Variants in ZFP62 observed in about 807,000 individuals in gnomAD.
The protein encoded by ZFP62 is zinc finger protein 62 homolog.
Under a neutral mutation model 56.4 loss-of-function variants are expected in ZFP62, and 44 were observed. That is an observed-to-expected ratio of 0.78 (90% CI 0.61 to 1.00). The LOEUF (loss-of-function observed/expected upper bound fraction) is 1.00. ZFP62 is among the 50% of genes least tolerant of loss of function. The pLI, the probability that ZFP62 is intolerant of heterozygous loss-of-function variation, is 0.00. For missense variants in ZFP62, 1,030 were observed against 1,085.7 expected (o/e 0.95, Z 0.72); for synonymous variants, 421 against 388.9 (o/e 1.08, Z -0.97).
chr5:180,841,558 C>T, the ZFP62 span, among the ~76,000 whole-genome samples: 1 of 151,908 alleles, frequency 6.6e-6, no homozygotes, highest in African/African-American at 2.4e-5. Flanking sequence ...AGACAGCAGT[C>T]TATCAGTCAG....
chr5:180,854,465 A>C (rs1162210069), intron 1 of ZFP62, among the ~76,000 whole-genome samples: 1 of 152,248 alleles, frequency 6.6e-6, no homozygotes, highest in Non-Finnish European at 1.5e-5. Context: ...CTCTGCAACT[A>C]TCAGAGTAAA....
the ZFP62 span, among the ~76,000 whole-genome samples, chr5:180,841,596 C>A: frequency 9.2e-5 from 14 of 152,144 alleles, no homozygotes; most frequent in African/African-American, 3.4e-4. Flanking sequence ...AGAAACCACT[C>A]AAGTGTTCAG....
In ZFP62 at chr5:180,849,994, C is replaced by G. The variant is rs1384149169; in HGVS notation, c.1501G>C (p.Gly501Arg). 6.4e-6 allele frequency: 10 copies of G among 1,551,692 alleles called. No individual in the cohort carries two copies. Among genetic ancestry groups the G allele is most frequent in the Non-Finnish European group, 8.7e-6 (10 of 1,146,992 alleles). The change falls in exon 2 of 2, where the codon GGG becomes CGG. Residue 501 changes from glycine (G) to arginine (R), a missense_variant. Physicochemically the swap from Gly to Arg is moderately radical, Grantham distance 125. Coordinates refer to ENST00000502412, the MANE Select transcript of ZFP62 (RefSeq NM_001172638.2). ...SLKNHKGIHL[G>R]EKPYKCSYCE... ...TAGCTACATTTATAGGGCTTCTCCC[C>G]AAGGTGGATTCCTTTGTGATTTTTA... is the stretch of plus-strand genomic sequence containing the variant.
intron 1 of ZFP62, among the ~76,000 whole-genome samples, chr5:180,856,988 GGACAT>G (rs1774021708): frequency 7.0e-6 from 1 of 142,712 alleles, no homozygotes; most frequent in African/African-American, 2.7e-5. Context: ...AGCAAATACA[GGACAT>G]GGAGGGTGGG....
the ZFP62 span, among the ~76,000 whole-genome samples, chr5:180,833,622 C>G: frequency 6.6e-6 from 1 of 152,022 alleles, no homozygotes; most frequent in Non-Finnish European, 1.5e-5. Context: ...TCTCAGACTT[C>G]TAACCCCCAG....
intron 1 of ZFP62, among the ~76,000 whole-genome samples, chr5:180,853,594 A>G (rs1238236657): frequency 6.6e-6 from 1 of 152,258 alleles, no homozygotes; most frequent in African/African-American, 2.4e-5. Context: ...CTAAAACAAA[A>G]CAAATCAACC....
rs1773578509 is a variant in ZFP62, at chr5:180,849,696, GTGA to G, written c.1796_1798del (p.Ile599del). On this transcript the variant is annotated inframe_deletion, in exon 2 of 2. Transcript: ENST00000502412. ...TTTGTGGTTTGTAAGGGTTCGGTAT[GTGA>G]TGAAGGCCTTCTCACACTCGTCACA... The G allele has an allele frequency of 1.3e-6, 2 of 1,551,642 alleles. No individual in the cohort carries two copies. Among genetic ancestry groups the G allele is most frequent in the South Asian group, 1.2e-5 (1 of 84,054 alleles).
chr5:180,850,438 TGAGAA>T lies in ZFP62; in HGVS notation c.1052_1056del (p.Leu351HisfsTer4), dbSNP rs747052660. 1 of 1,554,476 alleles carries T rather than the reference TGAGAA, an allele frequency of 6.4e-7. No individual in the cohort carries two copies. The highest frequency in any genetic ancestry group is 1.2e-5 in the South Asian group (1 of 84,236). ...CCAGTGTGGATGACTTTATGCTGAA[TGAGAA>T]GAGAGCTATAATTAAAAGATTTCTC... On this transcript the variant is annotated frameshift_variant, in exon 2 of 2. Transcript: ENST00000502412. LOFTEE classifies it high-confidence loss of function.
At chr5:180,854,202 G>A (rs1773855017) in intron 1 of ZFP62, among the ~76,000 whole-genome samples, 1 of 152,136 alleles carries the variant, frequency 6.6e-6, no homozygotes, top group African/African-American at 2.4e-5. Context: ...TACAAGATGA[G>A]CATCATGCTA....
Position 180,850,864 on chromosome 5 carries a change from T to C in ZFP62, c.631A>G (p.Ser211Gly), listed in dbSNP as rs774436044. The C allele has an allele frequency of 5.8e-6, 9 of 1,563,598 alleles. No homozygotes were observed. The Admixed American group carries it at 5.8e-5, about 10-fold the overall frequency. Residue 211 changes from serine (S) to glycine (G), a missense_variant, in exon 2 of 2, where the codon AGC (serine) becomes GGC (glycine). Ser to Gly is a moderately conservative substitution (Grantham distance 56). Coordinates refer to ENST00000502412, the MANE Select transcript of ZFP62 (RefSeq NM_001172638.2). ...TGGGTGCTTTTGTGGTTTATAAGGC[T>C]GGAGTAGGACATGTAGGCTTTCCCA... ...ECGKAYMSYS[S>G]LINHKSTHSG...
the ZFP62 span, among the ~76,000 whole-genome samples, chr5:180,840,679 C>A: frequency 1.3e-5 from 2 of 151,902 alleles, no homozygotes; most frequent in Admixed American, 6.6e-5. Flanking sequence ...TCGCTTGAAC[C>A]CTGGAGGTGG....
At position 180,861,238 on chromosome 5, in the gene ZFP62, G is replaced by T; in HGVS notation, c.-19C>A. 1 of 397,908 alleles carries T rather than the reference G, an allele frequency of 2.5e-6. No individual in the cohort carries two copies. Among genetic ancestry groups the T allele is most frequent in the Non-Finnish European group, 4.4e-6 (1 of 225,646 alleles). The allele number at this position is 397,908 out of a possible 1,614,324, so 24.6% of individuals were successfully genotyped here. ...ACGTACTGGCTGTGGCGGCGCCGCG[G>T]GAACCCGGCCGCCAGCGGGACAAAA... On this transcript the variant is annotated 5_prime_UTR_variant, in exon 1 of 2. Coordinates refer to ENST00000502412, the MANE Select transcript of ZFP62 (RefSeq NM_001172638.2).
downstream of ZFP62, among the ~76,000 whole-genome samples, chr5:180,846,701 C>G (rs1408532869): frequency 6.6e-6 from 1 of 152,232 alleles, no homozygotes; most frequent in Non-Finnish European, 1.5e-5. Context: ...CTCTGAGCAC[C>G]TGCAGTCTTA....
In ZFP62 at chr5:180,849,699, A is replaced by G. The variant is rs1281289031; in HGVS notation, c.1796T>C (p.Ile599Thr). The G allele has an allele frequency of 6.4e-7, 1 of 1,551,638 alleles. No individual in the cohort carries two copies. Among genetic ancestry groups the G allele is most frequent in the Non-Finnish European group, 8.7e-7 (1 of 1,147,002 alleles). ...GTGGTTTGTAAGGGTTCGGTATGTG[A>G]TGAAGGCCTTCTCACACTCGTCACA... Reference protein sequence around the residue: ...FKCDECEKAFITYRTLTNHKK... With the variant: ...FKCDECEKAFTTYRTLTNHKK... The change falls in exon 2 of 2, where the codon ATC becomes ACC. Residue 599 changes from isoleucine (I) to threonine (T), a missense_variant. Coordinates refer to ENST00000502412, the MANE Select transcript of ZFP62 (RefSeq NM_001172638.2).
At chr5:180,840,340 G>A in the ZFP62 span, among the ~76,000 whole-genome samples, 3 of 152,300 alleles carry the variant, frequency 2.0e-5, no homozygotes, top group East Asian at 3.9e-4. Context: ...CTTTGAAGAT[G>A]CCCCTCAAAG....
At chr5:180,860,867 C>T (rs538060582) in intron 1 of ZFP62, among the ~76,000 whole-genome samples, 1 of 152,256 alleles carries the variant, frequency 6.6e-6, no homozygotes, top group South Asian at 2.1e-4. Flanking sequence ...TAGGGATCCC[C>T]TCCCATCCAA....
At position 180,848,139 on chromosome 5, in the gene ZFP62, T is replaced by C; in HGVS notation, c.*653A>G. 4.1e-6 allele frequency: 4 copies of C among 985,444 alleles called. No homozygotes were observed. Among genetic ancestry groups the C allele is most frequent in the Non-Finnish European group, 4.8e-6 (4 of 829,936 alleles). The allele number at this position is 985,444 out of a possible 1,614,324, so 61.0% of individuals were successfully genotyped here. A position where few individuals can be genotyped will look rare whatever the true frequency, so the allele number is the denominator to read the frequency against. ...TATCACAATAGTACGTTCATCAATT[T>C]GCATTTTTTATGAGTGACTCTCTCC... On this transcript the variant is annotated 3_prime_UTR_variant, in exon 2 of 2. Transcript: ENST00000502412.
chr5:180,852,445 T>C (rs1467366630), intron 1 of ZFP62, among the ~76,000 whole-genome samples: 2 of 151,826 alleles, frequency 1.3e-5, no homozygotes, highest in South Asian at 2.1e-4. Flanking sequence ...TCCCAGCTAC[T>C]TGGGAGGCTG....
At chr5:180,828,698 C>A in the ZFP62 span, among the ~76,000 whole-genome samples, 2 of 152,118 alleles carry the variant, frequency 1.3e-5, no homozygotes, top group African/African-American at 4.8e-5. Context: ...GAAATCAGTG[C>A]ACCTTGAAAA....
Sources: gnomAD v4.1 joint callset for allele counts (sites outside exome capture counted in the v4.1 genomes callset) on GRCh38, gnomAD v4.1.1 for gene constraint, MANE v1.5 for transcripts, NCBI Gene and HGNC (gene_info 2026-07-23, HGNC 2026-07-21) for gene names.